Variants in DPYD observed in about 807,000 individuals in gnomAD.
DPYD encodes dihydropyrimidine dehydrogenase [NADP(+)].
A neutral mutation model predicts 116.2 loss-of-function variants in DPYD; 109 were observed. The ratio of observed to expected loss-of-function variants is 0.94; its 90% CI spans 0.80 to 1.10. DPYD has a LOEUF of 1.10. DPYD is among the 50% of genes least tolerant of loss of function. The probability of loss-of-function intolerance (pLI) is 0.00; values close to 1 mark genes in which losing one functional copy is unlikely to be tolerated. For synonymous variants in DPYD, 440 were observed against 432.0 expected, an observed-to-expected ratio of 1.02 and a Z score of -0.23; for missense variants, 1,302 against 1,254.5, an observed-to-expected ratio of 1.04 and a Z score of -0.57.
intron 1 of DPYD, among the ~76,000 whole-genome samples, chr1:97,898,309 G>C (rs1203819968): frequency 1.3e-5 from 2 of 151,760 alleles, no homozygotes. Context: ...TTCTCTCTGA[G>C]CAGCTCTAGC....
intron 4 of DPYD, among the ~76,000 whole-genome samples, chr1:97,722,238 A>G (rs1470027416): frequency 6.6e-6 from 1 of 151,596 alleles, no homozygotes; most frequent in East Asian, 1.9e-4. Context: ...AGTACTCCTG[A>G]AAACAATCAA....
intron 13 of DPYD, among the ~76,000 whole-genome samples, chr1:97,452,804 G>A (rs1255716188): frequency 6.6e-6 from 1 of 151,986 alleles, no homozygotes; most frequent in African/African-American, 2.4e-5. Flanking sequence ...TTGATTGGAA[G>A]CTTTCTGAGG....
chr1:97,286,268 A>G (rs1283991364), intron 18 of DPYD, among the ~76,000 whole-genome samples: 1 of 152,134 alleles, frequency 6.6e-6, no homozygotes, highest in African/African-American at 2.4e-5. Flanking sequence ...TCTGGCTTGT[A>G]GAGTTTCTGC....
At chr1:97,115,172 A>C (rs559914428) in intron 20 of DPYD, among the ~76,000 whole-genome samples, 3 of 152,276 alleles carry the variant, frequency 2.0e-5, no homozygotes, top group African/African-American at 4.8e-5. Flanking sequence ...GAGGAGGCTC[A>C]CTCTTCACTT....
At chr1:97,772,496 T>C (rs977064529) in intron 3 of DPYD, among the ~76,000 whole-genome samples, 2 of 152,180 alleles carry the variant, frequency 1.3e-5, no homozygotes, top group African/African-American at 2.4e-5. Context: ...ATAATTTCAA[T>C]AGATCACATT....
At chr1:97,249,950 T>G (rs1221632033) in intron 18 of DPYD, among the ~76,000 whole-genome samples, 4 of 152,108 alleles carry the variant, frequency 2.6e-5, no homozygotes, top group Non-Finnish European at 5.9e-5. Flanking sequence ...CAAAACGAAC[T>G]CTCACATGCT....
intron 11 of DPYD, among the ~76,000 whole-genome samples, chr1:97,564,254 C>T (rs1652366176): frequency 6.6e-6 from 1 of 152,050 alleles, no homozygotes; most frequent in Admixed American, 6.6e-5. Context: ...ATAAAACTGT[C>T]CCTTCATGTC....
At chr1:97,488,070 T>A (rs1678749249) in intron 13 of DPYD, among the ~76,000 whole-genome samples, 1 of 151,888 alleles carries the variant, frequency 6.6e-6, no homozygotes, top group South Asian at 2.1e-4. Flanking sequence ...GTTATATACA[T>A]AGCATGGAAT....
chr1:97,353,769 A>G (rs1670271918), intron 16 of DPYD, among the ~76,000 whole-genome samples: 4 of 152,180 alleles, frequency 2.6e-5, no homozygotes, highest in African/African-American at 9.6e-5. Flanking sequence ...TTTCGGTAGT[A>G]TTTATATAGA....
intron 8 of DPYD, among the ~76,000 whole-genome samples, chr1:97,635,333 T>C (rs1320384940): frequency 6.6e-6 from 1 of 152,094 alleles, no homozygotes. Context: ...GCACAGTCTA[T>C]TCCTTAGTGT....
chr1:97,284,218 A>T (rs1319489239), intron 18 of DPYD, among the ~76,000 whole-genome samples: 1 of 152,104 alleles, frequency 6.6e-6, no homozygotes, highest in Non-Finnish European at 1.5e-5. Flanking sequence ...TGTTCATGGT[A>T]TATATCTTTG....
chr1:97,707,146 C>G (rs1662010459), intron 5 of DPYD, among the ~76,000 whole-genome samples: 1 of 151,976 alleles, frequency 6.6e-6, no homozygotes, highest in Admixed American at 6.6e-5. Context: ...TAGGTCATGA[C>G]TTAGGAGGTG....
At chr1:97,443,906 G>T (rs564040010) in intron 14 of DPYD, among the ~76,000 whole-genome samples, 1 of 152,122 alleles carries the variant, frequency 6.6e-6, no homozygotes, top group Non-Finnish European at 1.5e-5. Context: ...ACTAACGTAC[G>T]CCCATCAAGT....
At chr1:97,417,103 G>T (rs1206391047) in intron 14 of DPYD, among the ~76,000 whole-genome samples, 1 of 152,082 alleles carries the variant, frequency 6.6e-6, no homozygotes, top group Non-Finnish European at 1.5e-5. Flanking sequence ...TACAAGAGAG[G>T]CCATATAATC....
intron 3 of DPYD, among the ~76,000 whole-genome samples, chr1:97,774,063 C>A (rs1035380667): frequency 2.0e-5 from 3 of 152,176 alleles, no homozygotes; most frequent in African/African-American, 7.2e-5. Context: ...TAGATGCTGC[C>A]GTGGGGTCCA....
intron 8 of DPYD, among the ~76,000 whole-genome samples, chr1:97,605,148 A>G (rs1655504894): frequency 1.3e-5 from 2 of 152,148 alleles, no homozygotes; most frequent in South Asian, 4.1e-4. Context: ...AAAAGAAAGA[A>G]TATCTGTTTA....
intron 2 of DPYD, among the ~76,000 whole-genome samples, chr1:97,843,744 A>G (rs1670151242): frequency 6.6e-6 from 1 of 152,190 alleles, no homozygotes; most frequent in Non-Finnish European, 1.5e-5. Context: ...TTTGATCTGT[A>G]TGAATTTCCT....
intron 2 of DPYD, among the ~76,000 whole-genome samples, chr1:97,863,299 C>G (rs1671214230): frequency 6.6e-6 from 1 of 151,554 alleles, no homozygotes; most frequent in Non-Finnish European, 1.5e-5. Flanking sequence ...AAGTAAAGGT[C>G]TGAAAAAGGG....
At chr1:97,447,666 A>T (rs1676165376) in intron 14 of DPYD, among the ~76,000 whole-genome samples, 1 of 152,104 alleles carries the variant, frequency 6.6e-6, no homozygotes, top group Admixed American at 6.6e-5. Context: ...AATATTAACT[A>T]TGTCTCTTCT....
Sources: allele counts gnomAD v4.1 joint callset (sites outside exome capture counted in the v4.1 genomes callset), GRCh38; gene constraint gnomAD v4.1.1; transcripts MANE v1.5; gene names NCBI Gene and HGNC (gene_info 2026-07-23, HGNC 2026-07-21).